The following SMYD2 variants were observed in gnomAD, a reference collection of about 807,000 sequenced individuals.
SMYD2 encodes the protein SET and MYND domain containing 2.
SMYD2 carries 53 observed loss-of-function variants against 59.1 expected under a neutral mutation model. The ratio of observed to expected loss-of-function variants is 0.90; its 90% CI spans 0.72 to 1.13. SMYD2 has a LOEUF of 1.13. Ranked by LOEUF, SMYD2 falls within the 50% of genes most tolerant of loss-of-function variation. SMYD2 has a pLI of 0.00. For synonymous variants in SMYD2, 208 were observed against 198.8 expected (o/e 1.05, Z -0.39); for missense variants, 494 against 544.7 (o/e 0.91, Z 0.93).
chr1:214,300,100 A>G (rs967869096), intron 1 of SMYD2, among the ~76,000 whole-genome samples: 2 of 152,346 alleles, frequency 1.3e-5, no homozygotes, highest in Non-Finnish European at 2.9e-5. Flanking sequence ...CAAAATCCCT[A>G]TGCAGCAAAC....
chr1:214,327,760 C>T (rs753905068), intron 7 of SMYD2, 36 bp downstream of exon 7: 3 of 1,544,362 alleles, frequency 1.9e-6, no homozygotes, highest in African/African-American at 1.4e-5. Flanking sequence ...CAGCAGGGGG[C>T]TTGAGACTGC....
At position 214,334,295 on chromosome 1, in the gene SMYD2, A is replaced by C. The variant is rs2102481248; in HGVS notation, c.1208A>C (p.Lys403Thr). The change falls in exon 11 of 12, where the codon AAA becomes ACA. Residue 403 changes from lysine (K) to threonine (T), a missense_variant. Lys to Thr is a moderately conservative substitution (Grantham distance 78, BLOSUM62 -1). Transcript: ENST00000366957. ...CTGGAACACAAAGCCGCAGGGGAGA[A>C]AGCCCTGAAGAAGGTATGTCTGTAA... ...MGLEHKAAGE[K>T]ALKKAIAIME... 2 of 1,613,512 alleles carry C rather than the reference A, an allele frequency of 1.2e-6. No homozygotes were observed. Among genetic ancestry groups the C allele is most frequent in the East Asian group, 2.2e-5 (1 of 44,884 alleles).
chr1:214,311,077 T>C (rs190142065), intron 2 of SMYD2, among the ~76,000 whole-genome samples: 1 of 152,330 alleles, frequency 6.6e-6, no homozygotes, highest in African/African-American at 2.4e-5. Context: ...GCTACCTGAT[T>C]TTAACTGCTA....
chr1:214,298,777 AATC>A (rs1320501293), intron 1 of SMYD2, among the ~76,000 whole-genome samples: 3 of 152,218 alleles, frequency 2.0e-5, no homozygotes, highest in Non-Finnish European at 4.4e-5. Context: ...CAACATCACT[AATC>A]ATCAGAAAAA....
intron 1 of SMYD2, among the ~76,000 whole-genome samples, chr1:214,304,098 C>G (rs1001062332): frequency 6.6e-6 from 1 of 152,212 alleles, no homozygotes; most frequent in African/African-American, 2.4e-5. Context: ...GAGCACCTAA[C>G]AGTTGGGAAG....
chr1:214,326,237 CA>C (rs35269144), intron 6 of SMYD2, among the ~76,000 whole-genome samples: 39,515 of 90,672 alleles, frequency 0.44, 5,718 homozygotes, highest in East Asian at 0.58. Flanking sequence ...GACTCCATCT[CA>C]AAAAAAAAAA....
rs375564784 is a variant in SMYD2, at chr1:214,336,712, A to G, written c.1230A>G (p.Ala410=). Residue 410 remains alanine (A), a synonymous_variant, in exon 12 of 12, where the codon GCA becomes GCG. Coordinates refer to ENST00000366957, the MANE Select transcript of SMYD2 (RefSeq NM_020197.3). ...GTCTTGCTTTTTCCTAGGCCATTGC[A>G]ATCATGGAAGTAGCTCACGGCAAAG... ...AGEKALKKAI[A]IMEVAHGKDH... 12 of 1,613,790 alleles carry G rather than the reference A, an allele frequency of 7.4e-6. No individual in the cohort carries two copies. The highest frequency in any genetic ancestry group is 1.0e-5 in the Non-Finnish European group (12 of 1,179,956).
chr1:214,304,752 C>G (rs567395186), intron 1 of SMYD2, among the ~76,000 whole-genome samples: 1 of 152,272 alleles, frequency 6.6e-6, no homozygotes, highest in East Asian at 1.9e-4. Flanking sequence ...AACACTCCAT[C>G]TTCATGGGGT....
intron 1 of SMYD2, among the ~76,000 whole-genome samples, chr1:214,281,736 A>G (rs1481395114): frequency 6.6e-6 from 1 of 152,210 alleles, no homozygotes; most frequent in African/African-American, 2.4e-5. Flanking sequence ...GTGGGCTCCG[A>G]GCCAGGCTTG....
At chr1:214,336,668 T>C in intron 11 of SMYD2, 36 bp from the exon 12 acceptor site, 1 of 1,604,006 alleles carries the variant, frequency 6.2e-7, no homozygotes, top group East Asian at 2.2e-5. Flanking sequence ...GGAGATTGGC[T>C]TCTAGGCTCT....
chr1:214,312,513 G>A lies in SMYD2; in HGVS notation c.238-2249G>A, dbSNP rs1483469499. 1.3e-5 allele frequency among the ~76,000 whole-genome samples: 2 copies of A among 152,234 alleles called. No individual in the cohort carries two copies. The highest frequency in any genetic ancestry group is 4.8e-5 in the African/African-American group (2 of 41,464). ...CAAGGAAAGGAAGAATGATGGGGAA[G>A]TGCTCTTTCTGACAGGGTGATTGTG... On this transcript the variant is annotated intron_variant, in intron 2 of 11. Transcript: ENST00000366957. The surrounding 1 kb of genome is among the most constrained non-coding windows in gnomAD (Gnocchi z 4.1).
At chr1:214,281,462 C>T (rs951050470) in intron 1 of SMYD2, 35 bp downstream of exon 1, 2 of 1,345,032 alleles carry the variant, frequency 1.5e-6, no homozygotes, top group East Asian at 3.1e-5. Context: ...CGGGCGGGAG[C>T]CGGGGGCGCC....
At position 214,324,626 on chromosome 1, in the gene SMYD2, T is replaced by C; in HGVS notation, c.535-15T>C. ...CCAGCTCATTTTTTTCCTTTCTCCC[T>C]TTTTCTTGCTGCAGGTTAACTGTAA... On this transcript the variant is annotated splice_polypyrimidine_tract_variant and intron_variant, in intron 5 of 11. Transcript: ENST00000366957. 3 of 1,591,934 alleles carry C rather than the reference T, an allele frequency of 1.9e-6. No homozygotes were observed. Among genetic ancestry groups the C allele is most frequent in the South Asian group, 2.3e-5 (2 of 85,938 alleles).
At chr1:214,288,085 T>G (rs1656579724) in intron 1 of SMYD2, among the ~76,000 whole-genome samples, 1 of 152,232 alleles carries the variant, frequency 6.6e-6, no homozygotes, top group South Asian at 2.1e-4. Flanking sequence ...TATCCTGAAG[T>G]GAAATTCAAA....
rs950843785 is a variant in SMYD2, at chr1:214,312,533, A to G, written c.238-2229A>G. On this transcript the variant is annotated intron_variant, in intron 2 of 11. Transcript: ENST00000366957. This position sits in a 1 kb window ranked among gnomAD's most constrained non-coding sequence, Gnocchi z 4.1. ...GGGAAGTGCTCTTTCTGACAGGGTG[A>G]TTGTGGCAGGTATCTTGAGAAGGTG... Among the ~76,000 whole-genome samples, 3 of 152,200 alleles carry G rather than the reference A, an allele frequency of 2.0e-5. No homozygotes were observed. Among genetic ancestry groups the G allele is most frequent in the Non-Finnish European group, 2.9e-5 (2 of 68,036 alleles).
intron 3 of SMYD2, 21 bp downstream of exon 3, chr1:214,314,893 T>G (rs1448776469): frequency 2.6e-6 from 4 of 1,556,568 alleles, no homozygotes; most frequent in Non-Finnish European, 3.5e-6. Context: ...GGGACAATGT[T>G]CAAGTGCATT....
chr1:214,336,912 C>T lies in SMYD2; in HGVS notation c.*128C>T. ...AATTGGAATGAAAATACTTCTTGCA[C>T]TTAAACACTGCACATGCCGTACTTT... On this transcript the variant is annotated 3_prime_UTR_variant, in exon 12 of 12. Coordinates refer to ENST00000366957, the MANE Select transcript of SMYD2 (RefSeq NM_020197.3). 2 of 757,132 alleles carry T rather than the reference C, an allele frequency of 2.6e-6. No homozygotes were observed. 46.9% of individuals were successfully genotyped at this position (757,132 alleles called of 1,614,324 possible).
chr1:214,331,100 T>G, intron 9 of SMYD2, 30 bp downstream of exon 9: 1 of 1,608,260 alleles, frequency 6.2e-7, no homozygotes, highest in Non-Finnish European at 8.5e-7. Context: ...TGATAGCTTA[T>G]TATCCCTCGC....
At position 214,327,649 on chromosome 1, in the gene SMYD2, C is replaced by T. The variant is rs1264754403; in HGVS notation, c.630C>T (p.Cys210=). Residue 210 remains cysteine (C), a synonymous_variant, in exon 7 of 12, where the codon TGC becomes TGT. Coordinates refer to ENST00000366957, the MANE Select transcript of SMYD2 (RefSeq NM_020197.3). ...TTGCATTGATGAATCATAGCTGTTG[C>T]CCCAATGTCATTGTGACCTACAAAG... The part of the protein sequence containing the change: ...PDVALMNHSC[C]PNVIVTYKGT... 7 of 1,614,028 alleles carry T rather than the reference C, an allele frequency of 4.3e-6. No homozygotes were observed.
Sources: allele counts gnomAD v4.1 joint callset (sites outside exome capture counted in the v4.1 genomes callset), GRCh38; gene constraint gnomAD v4.1.1; non-coding constraint Gnocchi (gnomAD v3.1); transcripts MANE v1.5; gene names NCBI Gene and HGNC (gene_info 2026-07-23, HGNC 2026-07-21).